SRGAP1: variants seen among roughly 807,000 people sequenced by gnomAD.
The protein encoded by SRGAP1 is SLIT-ROBO Rho GTPase-activating protein 1.
SRGAP1 carries 43 observed loss-of-function variants against 121.9 expected under a neutral mutation model. That is an observed-to-expected ratio of 0.35 (90% CI 0.28 to 0.46). The LOEUF (loss-of-function observed/expected upper bound fraction) is 0.46. Ranked by LOEUF, SRGAP1 falls within the 20% of genes least tolerant of loss-of-function variation. The pLI, the probability that SRGAP1 is intolerant of heterozygous loss-of-function variation, is 1.00. For missense variants in SRGAP1, 1,102 were observed against 1,350.9 expected (o/e 0.82, Z 2.89); for synonymous variants, 447 against 485.4 (o/e 0.92, Z 1.04).
chr12:63,986,038 A>G (rs1593006756), intron 2 of SRGAP1, among the ~76,000 whole-genome samples: 1 of 152,334 alleles, frequency 6.6e-6, no homozygotes, highest in Admixed American at 6.5e-5. Flanking sequence ...ATTCTGGATA[A>G]GAAATACCTC....
intron 1 of SRGAP1, among the ~76,000 whole-genome samples, chr12:63,879,982 T>C (rs1232416441): frequency 6.6e-6 from 1 of 152,140 alleles, no homozygotes; most frequent in Non-Finnish European, 1.5e-5. Flanking sequence ...TCATCTTGAA[T>C]TGTAGCTCCC....
Position 64,152,621 on chromosome 12 carries a change from T to C in SRGAP1, c.*9949T>C, listed in dbSNP as rs1286694681. 2.6e-5 allele frequency: 4 copies of C among 152,250 alleles called. No individual in the cohort carries two copies. Among genetic ancestry groups the C allele is most frequent in the Admixed American group, 2.0e-4 (3 of 15,280 alleles). 9.4% of individuals were successfully genotyped at this position (152,250 alleles called of 1,614,324 possible). A position where few individuals can be genotyped will look rare whatever the true frequency, so the allele number is the denominator to read the frequency against. On this transcript the variant is annotated 3_prime_UTR_variant, in exon 22 of 22. Coordinates refer to ENST00000355086, the MANE Select transcript of SRGAP1 (RefSeq NM_020762.4). Reference sequence around the variant, plus strand: ...TTAGTTTCAGCCATAGCAAGCTACCTTTCTTTGAAAATGTGATGCTGTGTG... The same window carrying C: ...TTAGTTTCAGCCATAGCAAGCTACCCTTCTTTGAAAATGTGATGCTGTGTG...
At chr12:63,978,465 T>C (rs1447826089) in intron 1 of SRGAP1, among the ~76,000 whole-genome samples, 3 of 149,668 alleles carry the variant, frequency 2.0e-5, no homozygotes, top group African/African-American at 5.1e-5. Context: ...TTATAGACTG[T>C]GGTTTTTTGT....
chr12:63,877,096 G>A (rs1900053047), intron 1 of SRGAP1, among the ~76,000 whole-genome samples: 2 of 152,126 alleles, frequency 1.3e-5, no homozygotes, highest in Non-Finnish European at 2.9e-5. Context: ...ATGGTGGCAT[G>A]CGCCTGTAAT....
intron 1 of SRGAP1, among the ~76,000 whole-genome samples, chr12:63,929,569 C>G (rs768932321): frequency 1.2e-4 from 18 of 146,722 alleles, no homozygotes; most frequent in Non-Finnish European, 2.1e-4. Flanking sequence ...TTTAAAGCCC[C>G]CACGAGTTTT....
At chr12:64,130,771 T>G (rs1326506286) in intron 21 of SRGAP1, among the ~76,000 whole-genome samples, 2 of 152,224 alleles carry the variant, frequency 1.3e-5, no homozygotes, top group Admixed American at 6.5e-5. Flanking sequence ...ACCATCATGG[T>G]GGATAAGGCA....
rs139731325 is a variant in SRGAP1 at position 64,106,401 on chromosome 12, G to A, written c.1814-2531G>A. ...CTTTTTATAAAATCAGCTATTTTAG[G>A]TAATAAGCATTCAACCAGTTAATTT... On this transcript the variant is annotated intron_variant, in intron 15 of 21. Coordinates refer to ENST00000355086, the MANE Select transcript of SRGAP1 (RefSeq NM_020762.4). Among the ~76,000 whole-genome samples, 7 of 152,222 alleles carry A rather than the reference G, an allele frequency of 4.6e-5. No homozygotes were observed. In the East Asian group the frequency reaches 1.4e-3, roughly 29 times the overall value.
chr12:63,920,385 G>A (rs2030993681), intron 1 of SRGAP1, among the ~76,000 whole-genome samples: 1 of 152,138 alleles, frequency 6.6e-6, no homozygotes, highest in Non-Finnish European at 1.5e-5. Flanking sequence ...CCATGGAGTA[G>A]CAAGAGAGTC....
rs1271756479 is a variant in SRGAP1, at chr12:64,152,998, A to C, written c.*10326A>C. 2 of 151,992 alleles carry C rather than the reference A, an allele frequency of 1.3e-5. No individual in the cohort carries two copies. Among genetic ancestry groups the C allele is most frequent in the South Asian group, 2.1e-4 (1 of 4,812 alleles). The allele number at this position is 151,992 out of a possible 1,614,324, so 9.4% of individuals were successfully genotyped here. A position where few individuals can be genotyped will look rare whatever the true frequency, so the allele number is the denominator to read the frequency against. ...TTTCAGGTGTTGATAACTGCTACAA[A>C]AAGCAAAAGTGAAATAAACAGGGTG... On this transcript the variant is annotated 3_prime_UTR_variant, in exon 22 of 22. Transcript: ENST00000355086.
chr12:64,000,798 C>T (rs1048991290), intron 3 of SRGAP1, among the ~76,000 whole-genome samples: 1 of 152,090 alleles, frequency 6.6e-6, no homozygotes, highest in African/African-American at 2.4e-5. Context: ...AAGAAGAGTT[C>T]CTATGGATGC....
Position 63,894,028 on chromosome 12 carries a change from C to T in SRGAP1, c.67+49145C>T, listed in dbSNP as rs748169810. 4.1e-4 allele frequency among the ~76,000 whole-genome samples: 63 copies of T among 152,234 alleles called. 1 individual carries two copies. The East Asian group carries it at 5.0e-3, about 12-fold the overall frequency. ...TAATTTTTGTATTTTTTAGTAGAGA[C>T]GGGGTTTCGCCATGTTGGCCAGGCT... is the stretch of plus-strand genomic sequence containing the variant. On this transcript the variant is annotated intron_variant, in intron 1 of 21. Coordinates refer to ENST00000355086, the MANE Select transcript of SRGAP1 (RefSeq NM_020762.4).
At chr12:63,845,719 G>A (rs968808261) in intron 1 of SRGAP1, among the ~76,000 whole-genome samples, 2 of 151,986 alleles carry the variant, frequency 1.3e-5, no homozygotes, top group Non-Finnish European at 2.9e-5. Context: ...GAAGTGTTTC[G>A]TAAACATATG....
At chr12:63,925,045 C>A (rs2031206456) in intron 1 of SRGAP1, among the ~76,000 whole-genome samples, 1 of 152,160 alleles carries the variant, frequency 6.6e-6, no homozygotes, top group African/African-American at 2.4e-5. Context: ...GTGACTGTCA[C>A]TGCATTTGAT....
At chr12:63,891,983 CAAAAAAAAAAAAAAAAGAAA>C (rs1325143088) in intron 1 of SRGAP1, among the ~76,000 whole-genome samples, 1 of 96,346 alleles carries the variant, frequency 1.0e-5, no homozygotes, top group Non-Finnish European at 2.1e-5. Context: ...AAGACTGTCT[CAAAAAAAAAAAAAAAAGAAA>C]AAAAGAAAAA....
chr12:64,003,562 TTAGA>T (rs946811401), intron 3 of SRGAP1, among the ~76,000 whole-genome samples: 5 of 150,292 alleles, frequency 3.3e-5, no homozygotes, highest in Admixed American at 2.6e-4. Context: ...AAAAAATTCA[TTAGA>T]TAGACTCAAT....
At chr12:64,117,032 C>T (rs150915251) in intron 18 of SRGAP1, among the ~76,000 whole-genome samples, 1 of 152,264 alleles carries the variant, frequency 6.6e-6, no homozygotes, top group African/African-American at 2.4e-5. Context: ...CTGGTACCTA[C>T]CTGGCCCTGG....
In SRGAP1 at chr12:64,156,993, G is replaced by A. The variant is rs17100129; in HGVS notation, c.*14321G>A. 3,192 of 152,276 alleles carry A rather than the reference G, an allele frequency of 0.021. 54 individuals are homozygous for A. Among genetic ancestry groups the A allele is most frequent in the Middle Eastern group, 0.071 (21 of 294 alleles). The allele number at this position is 152,276 out of a possible 1,614,324, so 9.4% of individuals were successfully genotyped here. On this transcript the variant is annotated 3_prime_UTR_variant, in exon 22 of 22. Coordinates refer to ENST00000355086, the MANE Select transcript of SRGAP1 (RefSeq NM_020762.4). ...ATGCTTTGGGACCAGAAAGCGGATG[G>A]TTTGATATGGTAGCTGCACTTCTAA... is the stretch of plus-strand genomic sequence containing the variant.
At chr12:63,949,189 T>G (rs1408265878) in intron 1 of SRGAP1, among the ~76,000 whole-genome samples, 1 of 134,650 alleles carries the variant, frequency 7.4e-6, no homozygotes, top group African/African-American at 2.8e-5. Context: ...ATATATATTT[T>G]TTTTTCCATA....
chr12:64,036,948 G>C (rs755514319), intron 4 of SRGAP1, among the ~76,000 whole-genome samples: 1 of 152,186 alleles, frequency 6.6e-6, no homozygotes, highest in Non-Finnish European at 1.5e-5. Flanking sequence ...CAATCTGGGT[G>C]GTACACAGAG....
Sources: gnomAD v4.1 joint callset for allele counts (sites outside exome capture counted in the v4.1 genomes callset) on GRCh38, gnomAD v4.1.1 for gene constraint, MANE v1.5 for transcripts, NCBI Gene and HGNC (gene_info 2026-07-23, HGNC 2026-07-21) for gene names.